KCNIP4: variants seen among roughly 807,000 people sequenced by gnomAD.
KCNIP4 encodes Kv channel-interacting protein 4.
A neutral mutation model predicts 34.0 loss-of-function variants in KCNIP4; 12 were observed. The ratio of observed to expected loss-of-function variants is 0.35; its 90% CI spans 0.23 to 0.57. KCNIP4 has a LOEUF of 0.57. KCNIP4 is among the 20% of genes least tolerant of loss of function. The pLI is 0.83. For missense variants in KCNIP4, 238 were observed against 311.7 expected (o/e 0.76, Z 1.78); for synonymous variants, 124 against 102.2 (o/e 1.21, Z -1.29).
intron 2 of KCNIP4, among the ~76,000 whole-genome samples, chr4:20,859,093 A>G (rs1261190062): frequency 1.3e-5 from 2 of 152,208 alleles, no homozygotes; most frequent in South Asian, 2.1e-4. Flanking sequence ...ATTTCTTTCC[A>G]GGGAAAATAT....
intron 1 of KCNIP4, among the ~76,000 whole-genome samples, chr4:21,947,630 G>A (rs1730578595): frequency 6.6e-6 from 1 of 152,114 alleles, no homozygotes; most frequent in Admixed American, 6.5e-5. Flanking sequence ...CTCTTTGCTT[G>A]CAAGTTTACA....
rs1723800957 is a variant in KCNIP4 at position 20,874,577 on chromosome 4, A to T, written c.163+8031T>A. 2.0e-5 allele frequency among the ~76,000 whole-genome samples: 3 copies of T among 152,104 alleles called. 1 individual carries two copies. In the South Asian group the frequency reaches 6.2e-4, roughly 32 times the overall value. ...TTTCCTATACTAAAACCTGTGAATG[A>T]TTTAATGACAACTTCTGGTAGATAT... On this transcript the variant is annotated intron_variant, in intron 2 of 8. Transcript: ENST00000382152.
chr4:21,267,017 T>C (rs1761856431), intron 1 of KCNIP4, among the ~76,000 whole-genome samples: 1 of 152,206 alleles, frequency 6.6e-6, no homozygotes, highest in African/African-American at 2.4e-5. Context: ...GCTGCTATAA[T>C]GTAGGTTATG....
At chr4:21,576,605 G>A (rs1457461354) in intron 1 of KCNIP4, among the ~76,000 whole-genome samples, 2 of 152,142 alleles carry the variant, frequency 1.3e-5, no homozygotes, top group Non-Finnish European at 2.9e-5. Flanking sequence ...TATTTTGGAT[G>A]TGAGGTATAA....
intron 1 of KCNIP4, among the ~76,000 whole-genome samples, chr4:21,623,922 T>A (rs892312613): frequency 1.3e-5 from 2 of 152,110 alleles, no homozygotes; most frequent in African/African-American, 4.8e-5. Flanking sequence ...AGAGTGGAAT[T>A]TGAATAATAA....
chr4:21,013,289 G>A (rs772195657), intron 1 of KCNIP4, among the ~76,000 whole-genome samples: 2 of 152,090 alleles, frequency 1.3e-5, no homozygotes, highest in Non-Finnish European at 2.9e-5. Context: ...CAGGAATTAG[G>A]TTAGGAGGTG....
At chr4:21,602,592 A>C (rs1743280767) in intron 1 of KCNIP4, among the ~76,000 whole-genome samples, 1 of 152,142 alleles carries the variant, frequency 6.6e-6, no homozygotes, top group Non-Finnish European at 1.5e-5. Context: ...AATAATCCTC[A>C]AGTACAATGA....
At chr4:20,758,730 A>G in intron 4 of KCNIP4, 91 bp downstream of exon 4, 1 of 936,818 alleles carries the variant, frequency 1.1e-6, no homozygotes, top group East Asian at 2.4e-5. Flanking sequence ...ACGATTAAAA[A>G]TGTAGCATCA....
chr4:21,760,758 C>A (rs1038654987), intron 1 of KCNIP4, among the ~76,000 whole-genome samples: 6 of 152,042 alleles, frequency 3.9e-5, no homozygotes, highest in African/African-American at 1.2e-4. Context: ...TATAGCTTTG[C>A]AAAGCAAACA....
chr4:21,086,354 T>C (rs911892492), intron 1 of KCNIP4, among the ~76,000 whole-genome samples: 5 of 152,208 alleles, frequency 3.3e-5, no homozygotes, highest in Non-Finnish European at 7.3e-5. Context: ...ATCTCCATCG[T>C]TGCATTGAAA....
At chr4:21,145,002 A>G (rs1199234625) in intron 1 of KCNIP4, among the ~76,000 whole-genome samples, 2 of 152,164 alleles carry the variant, frequency 1.3e-5, no homozygotes, top group East Asian at 3.9e-4. Flanking sequence ...AGTAATATGA[A>G]TACAAAATGA....
intron 1 of KCNIP4, among the ~76,000 whole-genome samples, chr4:21,438,740 A>C (rs1727175567): frequency 6.6e-6 from 1 of 152,242 alleles, no homozygotes; most frequent in Admixed American, 6.5e-5. Context: ...AATTATAGAT[A>C]ATTAACATAT....
intron 1 of KCNIP4, among the ~76,000 whole-genome samples, chr4:21,631,035 T>C (rs1745730015): frequency 6.6e-6 from 1 of 152,216 alleles, no homozygotes; most frequent in Admixed American, 6.5e-5. Flanking sequence ...AGTGTTATTC[T>C]GTGACGCTTC....
intron 2 of KCNIP4, among the ~76,000 whole-genome samples, chr4:20,851,425 G>A (rs1272948739): frequency 1.3e-5 from 2 of 152,094 alleles, no homozygotes; most frequent in Non-Finnish European, 1.5e-5. Context: ...TCTTTATCCA[G>A]TCTATCATTG....
intron 1 of KCNIP4, among the ~76,000 whole-genome samples, chr4:21,088,952 A>C (rs1029182267): frequency 6.6e-6 from 1 of 152,178 alleles, no homozygotes; most frequent in African/African-American, 2.4e-5. Context: ...GAAGCAAAAA[A>C]CTTTTGTGAA....
chr4:21,062,003 T>C (rs1743969048), intron 1 of KCNIP4, among the ~76,000 whole-genome samples: 1 of 152,198 alleles, frequency 6.6e-6, no homozygotes, highest in African/African-American at 2.4e-5. Context: ...TCTTGATCTT[T>C]GACTTCCAGC....
intron 1 of KCNIP4, among the ~76,000 whole-genome samples, chr4:21,373,042 A>T (rs1180143498): frequency 7.6e-6 from 1 of 132,360 alleles, no homozygotes; most frequent in East Asian, 2.2e-4. Flanking sequence ...GCCATTAATT[A>T]GTCTTAATGG....
intron 1 of KCNIP4, among the ~76,000 whole-genome samples, chr4:21,826,512 C>CAAGG (rs1254757222): frequency 6.6e-6 from 1 of 151,920 alleles, no homozygotes; most frequent in African/African-American, 2.4e-5. Flanking sequence ...AACTAGTCAA[C>CAAGG]AAGGTGTTTT....
intron 1 of KCNIP4, among the ~76,000 whole-genome samples, chr4:21,008,075 G>C (rs1738726707): frequency 6.6e-6 from 1 of 152,282 alleles, no homozygotes; most frequent in Admixed American, 6.5e-5. Flanking sequence ...CTGCCAAAAT[G>C]TTTCCACCAG....
Sources: allele counts gnomAD v4.1 joint callset (sites outside exome capture counted in the v4.1 genomes callset), GRCh38; gene constraint gnomAD v4.1.1; transcripts MANE v1.5; gene names NCBI Gene and HGNC (gene_info 2026-07-23, HGNC 2026-07-21).